TRIO: variants seen among roughly 807,000 people sequenced by gnomAD.
TRIO encodes the protein trio Rho guanine nucleotide exchange factor, also known as triple functional domain protein.
A neutral mutation model predicts 351.9 loss-of-function variants in TRIO; 58 were observed. The observed-to-expected ratio is 0.16, with a 90% CI of 0.13 to 0.21. The LOEUF is 0.21. Among genes scored for constraint, TRIO ranks in the 10% least tolerant of loss-of-function variants. The probability of loss-of-function intolerance (pLI) is 1.00; values close to 1 mark genes in which losing one functional copy is unlikely to be tolerated. For missense variants in TRIO, 3,201 were observed against 4,027.8 expected (o/e 0.79, Z 5.56); for synonymous variants, 1,758 against 1,595.7 (o/e 1.10, Z -2.42).
chr5:14,434,451 TTAGC>T (rs1751426174), intron 34 of TRIO, among the ~76,000 whole-genome samples: 1 of 152,204 alleles, frequency 6.6e-6, no homozygotes, highest in Non-Finnish European at 1.5e-5. Flanking sequence ...CTCAGTTTCT[TTAGC>T]TATTTGCATT....
At chr5:14,290,412 G>A (rs1255673507) in intron 4 of TRIO, among the ~76,000 whole-genome samples, 2 of 152,094 alleles carry the variant, frequency 1.3e-5, no homozygotes, top group East Asian at 3.8e-4. Flanking sequence ...TGTTATAGTG[G>A]GTTAATCTCC....
chr5:14,369,620 C>T, intron 18 of TRIO, 97 bp downstream of exon 18: 3 of 1,407,542 alleles, frequency 2.1e-6, no homozygotes, highest in Non-Finnish European at 2.8e-6. Context: ...GCCTGCCCCA[C>T]ACCTCTTGCC....
intron 19 of TRIO, 53 bp downstream of exon 19, chr5:14,374,396 A>AC (rs1455052883): frequency 1.6e-5 from 23 of 1,411,140 alleles, no homozygotes; most frequent in Non-Finnish European, 2.1e-5. Flanking sequence ...CTGGCAAGAG[A>AC]CAAAAGGAGC....
chr5:14,403,369 GGTGAGGGTGTAGGTT>G (rs1579551903), intron 31 of TRIO, among the ~76,000 whole-genome samples: 2 of 113,618 alleles, frequency 1.8e-5, no homozygotes, highest in South Asian at 3.1e-4. Context: ...TGCAGGTTGT[GGTGAGGGTGTAGGTT>G]GTGAGGGTGT....
chr5:14,310,153 G>C (rs1017056722), intron 8 of TRIO, among the ~76,000 whole-genome samples: 3 of 152,196 alleles, frequency 2.0e-5, no homozygotes, highest in Admixed American at 1.3e-4. Context: ...TGTAAACGTC[G>C]GAGATAAGTT....
chr5:14,229,694 T>C (rs1793284954), intron 1 of TRIO, among the ~76,000 whole-genome samples: 1 of 152,206 alleles, frequency 6.6e-6, no homozygotes, highest in Non-Finnish European at 1.5e-5. Flanking sequence ...CCCCTATTTA[T>C]GATACATTGT....
At position 14,471,250 on chromosome 5, in the gene TRIO, T is replaced by C. The variant is rs1192668215; in HGVS notation, c.5764-68T>C. 3.4e-6 allele frequency: 5 copies of C among 1,472,368 alleles called. 1 individual carries two copies. Among genetic ancestry groups the C allele is most frequent in the East Asian group, 2.3e-5 (1 of 42,842 alleles). 91.2% of individuals were successfully genotyped at this position (1,472,368 alleles called of 1,614,324 possible). On this transcript the variant is annotated intron_variant, in intron 37 of 56. Coordinates refer to ENST00000344204, the MANE Select transcript of TRIO (RefSeq NM_007118.4). ...GTATTTTCTGACTTTGGGTATTTTC[T>C]TGTCTTAGTTTTAGCCAATCATGGG...
chr5:14,197,851 C>A (rs1445191340), intron 1 of TRIO, among the ~76,000 whole-genome samples: 2 of 152,174 alleles, frequency 1.3e-5, no homozygotes, highest in African/African-American at 2.4e-5. Context: ...TATAAGGTAC[C>A]CGAATCTCTT....
rs1285678675 is a variant in TRIO, at chr5:14,487,879, C to T, written c.7251C>T (p.Ser2417=). 11 of 1,540,658 alleles carry T rather than the reference C, an allele frequency of 7.1e-6. No homozygotes were observed. The Admixed American group carries it at 8.0e-5, about 11-fold the overall frequency. Residue 2417 remains serine, a synonymous_variant, in exon 48 of 57, where the codon AGC becomes AGT. Coordinates refer to ENST00000344204, the MANE Select transcript of TRIO (RefSeq NM_007118.4). ...EPIPKMKVLE[S]PRKGAANASG... ...TCCCCAAGATGAAGGTGCTGGAGAGCCCCAGGAAAGGCGCCGCGAACGCCT... is the reference window on the plus strand; with the variant it reads ...TCCCCAAGATGAAGGTGCTGGAGAGTCCCAGGAAAGGCGCCGCGAACGCCT...
chr5:14,147,782 C>T (rs997476753), intron 1 of TRIO, among the ~76,000 whole-genome samples: 7 of 152,120 alleles, frequency 4.6e-5, no homozygotes, highest in African/African-American at 1.7e-4. Context: ...GGTAGTTGGC[C>T]TGGGGCGGGC....
chr5:14,417,873 A>G (rs1561466804), intron 33 of TRIO, among the ~76,000 whole-genome samples: 2 of 152,216 alleles, frequency 1.3e-5, no homozygotes, highest in Non-Finnish European at 2.9e-5. Flanking sequence ...TGCGGAGCAC[A>G]GTGCGAGGCA....
At chr5:14,359,333 C>T in intron 12 of TRIO, 24 bp from the exon 13 acceptor site, 1 of 1,598,298 alleles carries the variant, frequency 6.3e-7, no homozygotes, top group Non-Finnish European at 8.6e-7. Flanking sequence ...CATCCAATTC[C>T]TGTTCCTCTG....
chr5:14,173,997 T>C (rs32571), intron 1 of TRIO, among the ~76,000 whole-genome samples: 86,051 of 152,178 alleles, frequency 0.57, 26,522 homozygotes, highest in African/African-American at 0.83. Flanking sequence ...AGTCCATTTA[T>C]GCAAGGCTGT....
chr5:14,319,469 G>A (rs966795036), intron 9 of TRIO, among the ~76,000 whole-genome samples: 2 of 152,190 alleles, frequency 1.3e-5, no homozygotes, highest in Admixed American at 1.3e-4. Context: ...GCATAGAGTA[G>A]GAGAGGCAAG....
intron 34 of TRIO, among the ~76,000 whole-genome samples, chr5:14,455,917 G>A (rs910197386): frequency 1.5e-4 from 23 of 152,390 alleles, no homozygotes; most frequent in African/African-American, 4.8e-4. Flanking sequence ...TTGGGCAGTC[G>A]ATGGGACCGG....
At chr5:14,473,711 A>G (rs1360012257) in intron 39 of TRIO, among the ~76,000 whole-genome samples, 4 of 152,252 alleles carry the variant, frequency 2.6e-5, no homozygotes, top group Non-Finnish European at 5.9e-5. Context: ...TAATGAAACC[A>G]TTTACATTTA....
At chr5:14,436,134 A>G (rs1751573130) in intron 34 of TRIO, among the ~76,000 whole-genome samples, 2 of 152,112 alleles carry the variant, frequency 1.3e-5, no homozygotes, top group Admixed American at 6.5e-5. Context: ...AGACTAGGCA[A>G]TTTACAAAAG....
At chr5:14,292,887 T>C in intron 5 of TRIO, 125 bp from the exon 6 acceptor site, 1 of 1,359,676 alleles carries the variant, frequency 7.4e-7, no homozygotes, top group Non-Finnish European at 1.0e-6. Context: ...TCTGAGAGAA[T>C]CAGACAGCGC....
chr5:14,186,551 G>C (rs1790122868), intron 1 of TRIO, among the ~76,000 whole-genome samples: 1 of 152,040 alleles, frequency 6.6e-6, no homozygotes, highest in Non-Finnish European at 1.5e-5. Flanking sequence ...GAGTCGGCCT[G>C]TCGTTTGCAC....
Sources: allele counts gnomAD v4.1 joint callset (sites outside exome capture counted in the v4.1 genomes callset), GRCh38; gene constraint gnomAD v4.1.1; transcripts MANE v1.5; gene names NCBI Gene and HGNC (gene_info 2026-07-23, HGNC 2026-07-21).